CTSB: variants seen among roughly 807,000 people sequenced by gnomAD.
CTSB encodes the protein cathepsin B.
CTSB carries 57 observed loss-of-function variants against 44.3 expected under a neutral mutation model. That is an observed-to-expected ratio of 1.29 (90% CI 1.04 to 1.60). The LOEUF is 1.60. Among genes scored for constraint, CTSB ranks in the 40% most tolerant of loss-of-function variants. CTSB has a pLI of 0.00. For synonymous variants in CTSB, 320 were observed against 168.0 expected, an observed-to-expected ratio of 1.91 and a Z score of -7.00; for missense variants, 768 against 443.0, an observed-to-expected ratio of 1.73 and a Z score of -6.59.
At chr8:11,864,318 GAAAAAAAAAAAAAAA>G (rs35885912) in intron 1 of CTSB, 1 of 45,570 alleles carries the variant, frequency 2.2e-5, no homozygotes, top group African/African-American at 1.0e-4. Context: ...CTCTACCAAC[GAAAAAAAAAAAAAAA>G]AAAAAAAAAA....
chr8:11,848,529 A>C (rs1167771237), intron 5 of CTSB: 3 of 373,278 alleles, frequency 8.0e-6, no homozygotes, highest in Non-Finnish European at 1.6e-5. Context: ...ATCGCCAGTG[A>C]TTCCCATTTA....
rs568993866 is a variant in CTSB, at chr8:11,853,386, G to A, written c.69C>T (p.Phe23=). Residue 23 remains phenylalanine (F), a synonymous_variant, in exon 2 of 10, where the codon TTC becomes TTT. Transcript: ENST00000353047. The part of the protein sequence containing the change: ...VLANARSRPS[F]HPLSDELVNY... ...TGACCAGCTCATCCGACAGGGGATG[G>A]AAAGAGGGCCTGCTCCGGGCATTGG... 2 of 1,612,794 alleles carry A rather than the reference G, an allele frequency of 1.2e-6. No homozygotes were observed. The highest frequency in any genetic ancestry group is 2.2e-5 in the East Asian group (1 of 44,848).
chr8:11,844,864 C>A lies in CTSB; in HGVS notation c.*261G>T, dbSNP rs1406547655. On this transcript the variant is annotated 3_prime_UTR_variant, in exon 10 of 10. Transcript: ENST00000353047. ...CGGAGGGGGCCACAGTCAGCTGGGG[C>A]AGCAGGTACTCCCTACGGCACTAGT... 2.2e-6 allele frequency: 1 copy of A among 445,918 alleles called. No homozygotes were observed. The highest frequency in any genetic ancestry group is 3.5e-5 in the East Asian group (1 of 28,320). The allele number at this position is 445,918 out of a possible 1,614,324, so 27.6% of individuals were successfully genotyped here. A position where few individuals can be genotyped will look rare whatever the true frequency, so the allele number is the denominator to read the frequency against.
chr8:11,864,376 T>C (rs1326542975), intron 1 of CTSB: 1 of 139,868 alleles, frequency 7.1e-6, no homozygotes, highest in Non-Finnish European at 1.5e-5. Context: ...AGCTACTTAC[T>C]ACTCGGGAGG....
At chr8:11,846,810 C>T (rs1167289872) in intron 8 of CTSB, among the ~76,000 whole-genome samples, 1 of 152,106 alleles carries the variant, frequency 6.6e-6, no homozygotes, top group East Asian at 1.9e-4. Context: ...AAGGAACTAG[C>T]CCAGAGGCTC....
intron 4 of CTSB, among the ~76,000 whole-genome samples, chr8:11,850,274 C>T (rs763915593): frequency 1.3e-3 from 193 of 151,990 alleles, no homozygotes; most frequent in Non-Finnish European, 5.0e-4. Context: ...CAAAAATTAG[C>T]TGGGCGTGGT....
rs1178454520 is a variant in CTSB, at chr8:11,864,712, T to A, written c.-26+3289A>T. Among the ~76,000 whole-genome samples the A allele has an allele frequency of 3.9e-5, 6 of 151,926 alleles. No individual in the cohort carries two copies. The East Asian group carries it at 1.2e-3, about 29-fold the overall frequency. On this transcript the variant is annotated intron_variant, in intron 1 of 9. Coordinates refer to ENST00000353047, the MANE Select transcript of CTSB (RefSeq NM_001908.5). ...TGACTCACACCTGTAATCCCAACAC[T>A]TTGGGAGGCGAGGCGGGCAGATCAT...
chr8:11,860,287 G>C (rs1048723997), intron 1 of CTSB, among the ~76,000 whole-genome samples: 4 of 152,132 alleles, frequency 2.6e-5, no homozygotes, highest in Non-Finnish European at 1.5e-5. Flanking sequence ...ATTCGTTGGT[G>C]CTGTGGCTAT....
chr8:11,864,492 A>T (rs1428359657), intron 1 of CTSB: 2 of 152,128 alleles, frequency 1.3e-5, no homozygotes, highest in African/African-American at 4.8e-5. Flanking sequence ...CCCTGTCATT[A>T]ATCAAACAAT....
chr8:11,856,866 AAGTG>A (rs925274333), intron 1 of CTSB, among the ~76,000 whole-genome samples: 9 of 152,140 alleles, frequency 5.9e-5, no homozygotes, highest in South Asian at 2.1e-4. Context: ...AAAAAAAAAA[AAGTG>A]AGTATGTTCC....
At chr8:11,850,566 G>T (rs1347209677) in intron 4 of CTSB, 4 of 263,324 alleles carry the variant, frequency 1.5e-5, no homozygotes, top group Admixed American at 4.7e-5. Context: ...TCTTGAAGCA[G>T]AGTAGCAGTG....
intron 7 of CTSB, 145 bp from the exon 8 acceptor site, chr8:11,847,313 G>A (rs1165873409): frequency 3.0e-6 from 2 of 661,710 alleles, no homozygotes; most frequent in Non-Finnish European, 2.7e-6. Context: ...GCTCAAGGAA[G>A]GCTCCCCTGA....
At chr8:11,846,794 G>C (rs1295357503) in intron 8 of CTSB, among the ~76,000 whole-genome samples, 3 of 152,164 alleles carry the variant, frequency 2.0e-5, no homozygotes, top group Non-Finnish European at 4.4e-5. Flanking sequence ...GACGCTAATG[G>C]ATGGGAAGGA....
At position 11,845,002 on chromosome 8, in the gene CTSB, A is replaced by ATGTT; in HGVS notation, c.*119_*122dup. 2.9e-6 allele frequency: 2 copies of ATGTT among 682,626 alleles called. No homozygotes were observed. Among genetic ancestry groups the ATGTT allele is most frequent in the Non-Finnish European group, 5.2e-6 (2 of 387,378 alleles). The allele number at this position is 682,626 out of a possible 1,614,324, so 42.3% of individuals were successfully genotyped here. A position where few individuals can be genotyped will look rare whatever the true frequency, so the allele number is the denominator to read the frequency against. On this transcript the variant is annotated 3_prime_UTR_variant, in exon 10 of 10. Coordinates refer to ENST00000353047, the MANE Select transcript of CTSB (RefSeq NM_001908.5). ...TTGGTCTCCTTGGAAGACAGGTCTG[A>ATGTT]TGTTTGGCCAATCCAGTCCTTCAGA... is the stretch of plus-strand genomic sequence containing the variant.
At chr8:11,846,928 G>C in intron 8 of CTSB, 124 bp downstream of exon 8, 1 of 695,488 alleles carries the variant, frequency 1.4e-6, no homozygotes, top group Non-Finnish European at 2.6e-6. Context: ...GCCCCACACA[G>C]CCCTCTTCCC....
At chr8:11,848,603 C>T (rs1365530763) in intron 5 of CTSB, 2 of 326,500 alleles carry the variant, frequency 6.1e-6, no homozygotes, top group African/African-American at 2.1e-5. Flanking sequence ...CTGCAGCCGC[C>T]AGTGAACACC....
chr8:11,852,561 C>A (rs1453447643), intron 3 of CTSB, 49 bp downstream of exon 3: 2 of 1,520,670 alleles, frequency 1.3e-6, no homozygotes, highest in Non-Finnish European at 9.0e-7. Context: ...CTGCCCCAAA[C>A]CAACGCCTGC....
At chr8:11,849,503 T>A (rs1471581519) in intron 4 of CTSB, 3 of 181,060 alleles carry the variant, frequency 1.7e-5, no homozygotes, top group Non-Finnish European at 2.4e-5. Context: ...AGCACCCCCG[T>A]GAACCTCTGC....
intron 4 of CTSB, chr8:11,850,630 C>T (rs1027250769): frequency 2.5e-5 from 9 of 365,412 alleles, no homozygotes; most frequent in South Asian, 5.4e-5. Flanking sequence ...GGAGCTGCTT[C>T]GCCACCTGTA....
Sources: gnomAD v4.1 joint callset for allele counts (sites outside exome capture counted in the v4.1 genomes callset) on GRCh38, gnomAD v4.1.1 for gene constraint, MANE v1.5 for transcripts, NCBI Gene and HGNC (gene_info 2026-07-23, HGNC 2026-07-21) for gene names.